The following ZNF382 variants were observed in gnomAD, a reference collection of about 807,000 sequenced individuals.
The protein encoded by ZNF382 is KRAB/zinc finger suppressor protein 1.
In ZNF382, 20 loss-of-function variants were observed where a neutral mutation model predicts 38.8. The observed-to-expected ratio is 0.51, with a 90% confidence interval of 0.36 to 0.75. ZNF382 has a LOEUF of 0.75. Among genes scored for constraint, ZNF382 ranks in the 30% least tolerant of loss-of-function variants. ZNF382 has a pLI of 0.00. For missense variants in ZNF382, 546 were observed against 654.1 expected, an observed-to-expected ratio of 0.83 and a Z score of 1.80; for synonymous variants, 202 against 223.1, an observed-to-expected ratio of 0.91 and a Z score of 0.84.
chr19:36,605,595 G>T (rs1394859982), intron 1 of ZNF382: 1 of 152,250 alleles, frequency 6.6e-6, no homozygotes, highest in Non-Finnish European at 1.5e-5. Context: ...CGCGAAGGGG[G>T]ATTTTGCCCG....
At chr19:36,624,308 T>C (rs113524791) in intron 4 of ZNF382, among the ~76,000 whole-genome samples, 17 of 152,344 alleles carry the variant, frequency 1.1e-4, no homozygotes, top group African/African-American at 4.1e-4. Flanking sequence ...CTTGTTGTCA[T>C]TGTGTATCAG....
chr19:36,626,503 T>C lies in ZNF382; in HGVS notation c.606T>C (p.His202=). 1 of 1,606,242 alleles carries C rather than the reference T, an allele frequency of 6.2e-7. No individual in the cohort carries two copies. The highest frequency in any genetic ancestry group is 1.7e-5 in the Admixed American group (1 of 58,044). ...GTGGTAAACAGGAGCTTATTCAGCA[T>C]CAGAAGGTTCAAGCTCCAGAGCAAC... is the stretch of plus-strand genomic sequence containing the variant. ...VLSGKQELIQ[H]QKVQAPEQPF... Residue 202 remains histidine (H), a synonymous_variant, in exon 5 of 5, where the codon CAT becomes CAC. Coordinates refer to ENST00000292928, the MANE Select transcript of ZNF382 (RefSeq NM_032825.5).
intron 4 of ZNF382, among the ~76,000 whole-genome samples, chr19:36,619,062 T>G (rs1280862195): frequency 6.6e-6 from 1 of 152,126 alleles, no homozygotes; most frequent in African/African-American, 2.4e-5. Context: ...TAAATCTAGA[T>G]GTCCAGACCA....
chr19:36,626,702 G>T lies in ZNF382; in HGVS notation c.805G>T (p.Ala269Ser). 2 of 1,613,940 alleles carry T rather than the reference G, an allele frequency of 1.2e-6. No individual in the cohort carries two copies. The highest frequency in any genetic ancestry group is 1.7e-6 in the Non-Finnish European group (2 of 1,180,012). Residue 269 changes from alanine to serine, a missense_variant, in exon 5 of 5, where the codon GCC (alanine) becomes TCC (serine). By Grantham distance (99) the Ala-to-Ser change is moderately conservative (BLOSUM62 1). Transcript: ENST00000292928. ...TAATCTTATGGAAAAGAAGCCCTCTGCCTACAACAAATATGGGAAATTCCT... is the reference window on the plus strand; with the variant it reads ...TAATCTTATGGAAAAGAAGCCCTCTTCCTACAACAAATATGGGAAATTCCT... ...PSNLMEKKPS[A>S]YNKYGKFLCR... is the part of the protein sequence containing the mutation.
intron 4 of ZNF382, among the ~76,000 whole-genome samples, chr19:36,625,055 G>T (rs1470706472): frequency 8.0e-6 from 1 of 125,342 alleles, no homozygotes. Flanking sequence ...GGGACAGAGC[G>T]AGACCCTTTC....
Position 36,627,137 on chromosome 19 carries a change from G to A in ZNF382, c.1240G>A (p.Gly414Arg), listed in dbSNP as rs2145337230. The change falls in exon 5 of 5, where the codon GGG becomes AGG. Residue 414 changes from glycine to arginine, a missense_variant. Transcript: ENST00000292928. ...GAAACCGTATCAGTGTAATGAGTGT[G>A]GGAAGGCATTTATCCAGAAGACAAC... ...GEKPYQCNEC[G>R]KAFIQKTTLT... 1 of 1,614,110 alleles carries A rather than the reference G, an allele frequency of 6.2e-7. No homozygotes were observed. The highest frequency in any genetic ancestry group is 8.5e-7 in the Non-Finnish European group (1 of 1,180,018).
intron 4 of ZNF382, among the ~76,000 whole-genome samples, chr19:36,612,390 T>C (rs2037084647): frequency 6.6e-6 from 1 of 152,240 alleles, no homozygotes; most frequent in Non-Finnish European, 1.5e-5. Flanking sequence ...TTTAGACCTA[T>C]TATGAACAAA....
Position 36,627,403 on chromosome 19 carries a change from T to C in ZNF382, c.1506T>C (p.Ser502=). ...GTCCTCAGTGTGGGAAAGCCTTCAG[T>C]AGGAAATCAAACCTCATTCGCCATC... ...NGCPQCGKAF[S]RKSNLIRHQK... is the part of the protein sequence containing the mutation. The change falls in exon 5 of 5, where the codon AGT becomes AGC. Residue 502 remains serine, a synonymous_variant. Transcript: ENST00000292928. 1.2e-6 allele frequency: 2 copies of C among 1,613,838 alleles called. No individual in the cohort carries two copies. The highest frequency in any genetic ancestry group is 3.3e-5 in the Admixed American group (2 of 59,992).
intron 4 of ZNF382, among the ~76,000 whole-genome samples, chr19:36,611,656 T>G (rs2037078917): frequency 1.3e-5 from 2 of 152,212 alleles, no homozygotes; most frequent in Admixed American, 6.5e-5. Flanking sequence ...CTTTTGGGTA[T>G]AATCTCAGAA....
At position 36,632,974 on chromosome 19, in the gene ZNF382, A is replaced by C. The variant is rs922382240; in HGVS notation, c.*5424A>C. ...ACAAGTAATGTGCAACAGCAAAAGC[A>C]CAGGCTCCAACACTAGTCTACAACA... is the stretch of plus-strand genomic sequence containing the variant. On this transcript the variant is annotated 3_prime_UTR_variant, in exon 5 of 5. Transcript: ENST00000292928. The C allele has an allele frequency of 2.0e-5, 3 of 152,090 alleles. No homozygotes were observed. Among genetic ancestry groups the C allele is most frequent in the African/African-American group, 7.2e-5 (3 of 41,390 alleles). The allele number at this position is 152,090 out of a possible 1,614,324, so 9.4% of individuals were successfully genotyped here.
At chr19:36,611,342 C>A (rs1013590745) in intron 4 of ZNF382, among the ~76,000 whole-genome samples, 1 of 151,976 alleles carries the variant, frequency 6.6e-6, no homozygotes, top group Admixed American at 6.6e-5. Flanking sequence ...CCTAGCCATG[C>A]CAACCACCAT....
In ZNF382 at chr19:36,610,692, AAGG is replaced by A. The variant is rs758627318; in HGVS notation, c.185_187del (p.Gly62del). ...CCTGATATGATCCGCAAGTTGGAAC[AAGG>A]AGAAGAGCTATGGACACAGAGAATT... On this transcript the variant is annotated inframe_deletion, in exon 4 of 5. Coordinates refer to ENST00000292928, the MANE Select transcript of ZNF382 (RefSeq NM_032825.5). 3 of 1,613,552 alleles carry A rather than the reference AAGG, an allele frequency of 1.9e-6. No homozygotes were observed. In the South Asian group the frequency reaches 3.3e-5, roughly 18 times the overall value.
Position 36,610,009 on chromosome 19 carries a change from A to T in ZNF382, c.95A>T (p.Tyr32Phe), listed in dbSNP as rs767173299. The T allele has an allele frequency of 9.3e-6, 15 of 1,613,758 alleles. No homozygotes were observed. In the African/African-American group the frequency reaches 1.9e-4, roughly 20 times the overall value. ...CTAGACCCTGCTCAGAAGGCGCTTT[A>T]CAGGGATGTGATGTTGGAAAACTAT... Reference protein sequence around the residue: ...QQLDPAQKALYRDVMLENYCH... With the variant: ...QQLDPAQKALFRDVMLENYCH... Residue 32 changes from tyrosine to phenylalanine, a missense_variant, in exon 3 of 5, where the codon TAC (tyrosine) becomes TTC (phenylalanine). Physicochemically the swap from Tyr to Phe is conservative, Grantham distance 22 (BLOSUM62 3). Transcript: ENST00000292928.
Position 36,630,710 on chromosome 19 carries a change from G to A in ZNF382, c.*3160G>A, listed in dbSNP as rs1353249866. 1 of 152,092 alleles carries A rather than the reference G, an allele frequency of 6.6e-6. No homozygotes were observed. Among genetic ancestry groups the A allele is most frequent in the Non-Finnish European group, 1.5e-5 (1 of 68,022 alleles). 9.4% of individuals were successfully genotyped at this position (152,092 alleles called of 1,614,324 possible). A position where few individuals can be genotyped will look rare whatever the true frequency, so the allele number is the denominator to read the frequency against. ...ATTTGGTCCTGTGGTTTATATTTTG[G>A]CATGAAACAGCATTGGGCTGTATTC... is the stretch of plus-strand genomic sequence containing the variant. On this transcript the variant is annotated 3_prime_UTR_variant, in exon 5 of 5. Coordinates refer to ENST00000292928, the MANE Select transcript of ZNF382 (RefSeq NM_032825.5).
Position 36,627,485 on chromosome 19 carries a change from A to G in ZNF382, c.1588A>G (p.Ser530Gly). Residue 530 changes from serine (S) to glycine (G), a missense_variant, in exon 5 of 5, where the codon AGT (serine) becomes GGT (glycine). Ser to Gly is a moderately conservative substitution (Grantham distance 56). Transcript: ENST00000292928. ...ATGTAAACAGTGTGGGAAGTTCTTCAGTTGTAAGTCAAACCTCATTGTCCA... is the reference window on the plus strand; with the variant it reads ...ATGTAAACAGTGTGGGAAGTTCTTCGGTTGTAAGTCAAACCTCATTGTCCA... ...YECKQCGKFF[S>G]CKSNLIVHQK... 1 of 1,614,198 alleles carries G rather than the reference A, an allele frequency of 6.2e-7. No individual in the cohort carries two copies. Among genetic ancestry groups the G allele is most frequent in the Non-Finnish European group, 8.5e-7 (1 of 1,180,006 alleles).
Position 36,627,200 on chromosome 19 carries a change from C to T in ZNF382, c.1303C>T (p.Pro435Ser), listed in dbSNP as rs1253089056. The change falls in exon 5 of 5, where the codon CCC becomes TCC. Residue 435 changes from proline to serine, a missense_variant. Pro to Ser is a moderately conservative substitution (Grantham distance 74). Transcript: ENST00000292928. Reference sequence around the variant, plus strand: ...TCAGAGAACTCACACAGGAGAGAAACCCTATATTTGCAATGAATGTGGGAA... The same window carrying T: ...TCAGAGAACTCACACAGGAGAGAAATCCTATATTTGCAATGAATGTGGGAA... Reference protein sequence around the residue: ...VHQRTHTGEKPYICNECGKSF... With the variant: ...VHQRTHTGEKSYICNECGKSF... 3 of 1,613,922 alleles carry T rather than the reference C, an allele frequency of 1.9e-6. No homozygotes were observed. Among genetic ancestry groups the T allele is most frequent in the South Asian group, 2.2e-5 (2 of 91,076 alleles).
intron 4 of ZNF382, among the ~76,000 whole-genome samples, chr19:36,611,195 C>T (rs1373587996): frequency 6.6e-6 from 1 of 152,120 alleles, no homozygotes; most frequent in East Asian, 1.9e-4. Context: ...GAGGCTGAAG[C>T]AGGAGAATTG....
chr19:36,625,550 CT>C lies in ZNF382; in HGVS notation c.233-566del, dbSNP rs55992712. Among the ~76,000 whole-genome samples the C allele has an allele frequency of 4.4e-3, 603 of 137,162 alleles. 1 individual carries two copies. The highest frequency in any genetic ancestry group is 6.5e-3 in the Non-Finnish European group (415 of 63,814). 90.0% of individuals were successfully genotyped at this position (137,162 alleles called of 152,430 possible). On this transcript the variant is annotated intron_variant, in intron 4 of 4. Transcript: ENST00000292928. The stretch of plus-strand genomic sequence containing the variant: ...CATTCTTTCTCTTCTGCTCACTTAT[CT>C]TTTTTTTTTTTTTGGGTGGGGCGGG...
intron 1 of ZNF382, among the ~76,000 whole-genome samples, chr19:36,606,948 A>G (rs1273580244): frequency 6.6e-6 from 1 of 151,640 alleles, no homozygotes; most frequent in Non-Finnish European, 1.5e-5. Flanking sequence ...ATGGTGGTGC[A>G]TGCCTGTAAT....
Sources: gnomAD v4.1 joint callset for allele counts (sites outside exome capture counted in the v4.1 genomes callset) on GRCh38, gnomAD v4.1.1 for gene constraint, MANE v1.5 for transcripts, NCBI Gene and HGNC (gene_info 2026-07-23, HGNC 2026-07-21) for gene names.